The following SLC35D4 variants were observed in gnomAD, a reference collection of about 807,000 sequenced individuals.
SLC35D4 encodes the protein solute carrier family 35 member D4, also known as UDP-N-acetylglucosamine transporter SLC35D4.
the SLC35D4 span, among the ~76,000 whole-genome samples, chr18:23,251,981 G>T: frequency 2.0e-5 from 3 of 151,838 alleles, no homozygotes; most frequent in East Asian, 5.8e-4. Flanking sequence ...AGCTACTCAG[G>T]AAGCTGAGAC....
the SLC35D4 span, among the ~76,000 whole-genome samples, chr18:23,381,404 A>G: frequency 6.6e-6 from 1 of 152,118 alleles, no homozygotes; most frequent in East Asian, 1.9e-4. Context: ...CAGTGGCACA[A>G]TCATGGCTCA....
chr18:23,290,934 G>A, the SLC35D4 span, among the ~76,000 whole-genome samples: 16 of 152,034 alleles, frequency 1.1e-4, no homozygotes, highest in African/African-American at 3.6e-4. Flanking sequence ...CACCACACCC[G>A]TCATTTTGAA....
the SLC35D4 span, among the ~76,000 whole-genome samples, chr18:23,334,345 G>A: frequency 1.3e-5 from 2 of 152,130 alleles, no homozygotes; most frequent in African/African-American, 4.8e-5. Context: ...CCACCCCAGA[G>A]CTCACACAAG....
chr18:23,391,481 GCC>G, the SLC35D4 span, among the ~76,000 whole-genome samples: 2 of 152,182 alleles, frequency 1.3e-5, no homozygotes, highest in Non-Finnish European at 2.9e-5. Context: ...CCTTTATGAG[GCC>G]TCAGGAAAAC....
the SLC35D4 span, among the ~76,000 whole-genome samples, chr18:23,349,930 T>A: frequency 6.6e-6 from 1 of 152,214 alleles, no homozygotes; most frequent in Admixed American, 6.5e-5. Context: ...TCCTTTTGAT[T>A]TCTGAATAAA....
At chr18:23,279,819 TCACACA>T in the SLC35D4 span, among the ~76,000 whole-genome samples, 2 of 152,028 alleles carry the variant, frequency 1.3e-5, no homozygotes, top group African/African-American at 4.8e-5. Context: ...ATTTAATATC[TCACACA>T]CACACATATA....
chr18:23,356,697 A>C, the SLC35D4 span: 2 of 1,606,594 alleles, frequency 1.2e-6, no homozygotes, highest in Non-Finnish European at 1.7e-6. The surrounding 1 kb of genome is among the most constrained non-coding windows in gnomAD (Gnocchi z 4.1). Flanking sequence ...ACAGTGACCC[A>C]TGAGGCCTCA....
the SLC35D4 span, among the ~76,000 whole-genome samples, chr18:23,420,259 C>T: frequency 5.9e-5 from 9 of 152,188 alleles, no homozygotes; most frequent in African/African-American, 1.7e-4. Context: ...CCTGAGATTG[C>T]GCCATTGCAC....
chr18:23,347,217 A>G, the SLC35D4 span, among the ~76,000 whole-genome samples: 2 of 151,962 alleles, frequency 1.3e-5, no homozygotes, highest in Non-Finnish European at 2.9e-5. Context: ...CAGATTTTTC[A>G]TTTCTTCTTG....
At chr18:23,427,829 C>G in the SLC35D4 span, among the ~76,000 whole-genome samples, 3 of 152,160 alleles carry the variant, frequency 2.0e-5, no homozygotes, top group Non-Finnish European at 4.4e-5. Context: ...CCATGGAATA[C>G]TATGCAGCCA....
At chr18:23,386,404 C>T in the SLC35D4 span, among the ~76,000 whole-genome samples, 6 of 152,056 alleles carry the variant, frequency 3.9e-5, no homozygotes, top group Non-Finnish European at 8.8e-5. Context: ...ACAAGCTGGG[C>T]AATGCCGTGG....
the SLC35D4 span, among the ~76,000 whole-genome samples, chr18:23,267,251 C>T: frequency 3.3e-5 from 5 of 152,198 alleles, no homozygotes; most frequent in South Asian, 2.1e-4. Flanking sequence ...ACACCACCCT[C>T]GGTCTCTTCC....
the SLC35D4 span, among the ~76,000 whole-genome samples, chr18:23,324,020 T>A: frequency 1.4e-5 from 2 of 147,702 alleles, no homozygotes; most frequent in Admixed American, 1.4e-4. Flanking sequence ...GAGGCGGAGG[T>A]TGCAGTGAAC....
chr18:23,428,849 C>T, the SLC35D4 span, among the ~76,000 whole-genome samples: 7 of 152,280 alleles, frequency 4.6e-5, no homozygotes, highest in African/African-American at 1.7e-4. Flanking sequence ...CCCTAACTCT[C>T]CCCTTGGGGA....
the SLC35D4 span, among the ~76,000 whole-genome samples, chr18:23,337,805 C>T: frequency 1.3e-5 from 2 of 152,212 alleles, no homozygotes; most frequent in Non-Finnish European, 2.9e-5. Context: ...TTAGGCCTTG[C>T]TATTACTTTC....
the SLC35D4 span, among the ~76,000 whole-genome samples, chr18:23,250,682 G>A: frequency 6.6e-6 from 1 of 152,198 alleles, no homozygotes; most frequent in East Asian, 1.9e-4. Context: ...GGTCCTTGCA[G>A]GGCATGTGGT....
the SLC35D4 span, among the ~76,000 whole-genome samples, chr18:23,376,596 A>C: frequency 6.6e-6 from 1 of 152,240 alleles, no homozygotes; most frequent in Admixed American, 6.5e-5. Context: ...GGGGCTGCCC[A>C]GGAACAGGCA....
chr18:23,388,721 G>A, the SLC35D4 span, among the ~76,000 whole-genome samples: 5 of 152,194 alleles, frequency 3.3e-5, no homozygotes, highest in Admixed American at 6.5e-5. Flanking sequence ...GAAAGAACAG[G>A]TGGGAGATGA....
chr18:23,390,689 C>T, the SLC35D4 span, among the ~76,000 whole-genome samples: 5 of 152,316 alleles, frequency 3.3e-5, no homozygotes, highest in African/African-American at 1.2e-4. Context: ...ACCCTGCTCA[C>T]AGGCACGGCT....
Sources: gnomAD v4.1 joint callset for allele counts (sites outside exome capture counted in the v4.1 genomes callset) on GRCh38, gnomAD v4.1.1 for gene constraint, Gnocchi (gnomAD v3.1) non-coding constraint, MANE v1.5 for transcripts, NCBI Gene and HGNC (gene_info 2026-07-23, HGNC 2026-07-21) for gene names.